Variants in EPHB1 observed in about 807,000 individuals in gnomAD.
The protein encoded by EPHB1 is ephrin type-B receptor 1.
A neutral mutation model predicts 94.4 loss-of-function variants in EPHB1; 30 were observed. That is an observed-to-expected ratio of 0.32 (90% CI 0.24 to 0.43). The LOEUF is 0.43. Among genes scored for constraint, EPHB1 ranks in the 20% least tolerant of loss-of-function variants. The pLI is 1.00. For synonymous variants in EPHB1, 522 were observed against 489.1 expected (o/e 1.07, Z -0.89); for missense variants, 1,055 against 1,308.3 (o/e 0.81, Z 2.99).
At chr3:135,095,376 A>G (rs1353859066) in intron 3 of EPHB1, among the ~76,000 whole-genome samples, 3 of 152,028 alleles carry the variant, frequency 2.0e-5, no homozygotes, top group Non-Finnish European at 4.4e-5. Context: ...ATTGCCAGAC[A>G]CTTCTCTTCT....
chr3:134,804,090 TTTTTTTTTTTTTTTTTG>T, intron 1 of EPHB1, among the ~76,000 whole-genome samples: 6 of 136,564 alleles, frequency 4.4e-5, no homozygotes, highest in Non-Finnish European at 4.7e-5. Context: ...TTTTTTTTTT[TTTTTTTTTTTTTTTTTG>T]CTGCATGTCT....
At chr3:135,065,727 A>G (rs1420046108) in intron 3 of EPHB1, among the ~76,000 whole-genome samples, 7 of 152,152 alleles carry the variant, frequency 4.6e-5, no homozygotes, top group African/African-American at 1.7e-4. Context: ...TCCATTTATC[A>G]TGCTATTTGT....
intron 3 of EPHB1, among the ~76,000 whole-genome samples, chr3:135,078,184 G>A (rs191788457): frequency 6.6e-6 from 1 of 152,320 alleles, no homozygotes; most frequent in Non-Finnish European, 1.5e-5. Flanking sequence ...GGCCCAGTGT[G>A]AGAAGACTTC....
At chr3:134,826,399 A>G (rs182899089) in intron 1 of EPHB1, among the ~76,000 whole-genome samples, 23 of 152,102 alleles carry the variant, frequency 1.5e-4, no homozygotes, top group Non-Finnish European at 3.1e-4. Flanking sequence ...TCTCTTTCCC[A>G]TCATCATATG....
In EPHB1 at chr3:135,004,997, G is replaced by T. The variant is rs549936885; in HGVS notation, c.805+52945G>T. Among the ~76,000 whole-genome samples the T allele has an allele frequency of 7.0e-3, 1,060 of 152,354 alleles. 15 individuals are homozygous for T. The highest frequency in any genetic ancestry group is 0.024 in the African/African-American group (987 of 41,578). On this transcript the variant is annotated intron_variant, in intron 3 of 15. Transcript: ENST00000398015. The stretch of plus-strand genomic sequence containing the variant: ...CTCCGTCCAGCTTTGTTCCGTTGCT[G>T]GTGAGGAGCTGCGTTCCTTTGCAGG...
chr3:135,196,739 C>T (rs1942629475), intron 11 of EPHB1, among the ~76,000 whole-genome samples: 1 of 152,094 alleles, frequency 6.6e-6, no homozygotes, highest in Non-Finnish European at 1.5e-5. Flanking sequence ...TTCTCCTTTC[C>T]CACTGGTCAT....
intron 3 of EPHB1, among the ~76,000 whole-genome samples, chr3:135,021,252 T>G (rs1935978580): frequency 6.6e-6 from 1 of 152,204 alleles, no homozygotes; most frequent in South Asian, 2.1e-4. Context: ...CAGCTGCCAA[T>G]AATTTTATTT....
In EPHB1 at chr3:135,052,909, ATGTGTGTG is replaced by A. The variant is rs745760849; in HGVS notation, c.806-53523_806-53516del. On this transcript the variant is annotated intron_variant, in intron 3 of 15. Transcript: ENST00000398015. The stretch of plus-strand genomic sequence containing the variant: ...AAAAAAAATATATATATATATATAT[ATGTGTGTG>A]TGTGTGTGTGTGTGTATATATGTGT... Among the ~76,000 whole-genome samples, 8 of 68,844 alleles carry A rather than the reference ATGTGTGTG, an allele frequency of 1.2e-4. No homozygotes were observed. The East Asian group carries it at 1.9e-3, about 16-fold the overall frequency. The allele number at this position is 68,844 out of a possible 152,430, so 45.2% of individuals were successfully genotyped here. A position where few individuals can be genotyped will look rare whatever the true frequency, so the allele number is the denominator to read the frequency against.
chr3:135,141,103 T>C (rs1483325037), intron 5 of EPHB1, among the ~76,000 whole-genome samples: 3 of 152,034 alleles, frequency 2.0e-5, no homozygotes, highest in Non-Finnish European at 4.4e-5. Flanking sequence ...TGCTGTAGAA[T>C]TGAGCCTTAG....
At chr3:135,149,180 G>A (rs1258953336) in intron 5 of EPHB1, among the ~76,000 whole-genome samples, 6 of 152,180 alleles carry the variant, frequency 3.9e-5, no homozygotes, top group Admixed American at 2.6e-4. Context: ...TTCTGCTTAC[G>A]TTTTCTGAAG....
chr3:135,035,416 A>T (rs1375358726), intron 3 of EPHB1, among the ~76,000 whole-genome samples: 1 of 152,242 alleles, frequency 6.6e-6, no homozygotes, highest in Non-Finnish European at 1.5e-5. Context: ...GGGAAAAAAG[A>T]ACATTCTCTT....
intron 3 of EPHB1, among the ~76,000 whole-genome samples, chr3:135,054,257 T>C (rs1013553752): frequency 6.6e-6 from 1 of 152,204 alleles, no homozygotes; most frequent in African/African-American, 2.4e-5. Context: ...AGAGGAATTC[T>C]GCCAGCAGAC....
intron 3 of EPHB1, among the ~76,000 whole-genome samples, chr3:135,102,506 C>G (rs1424719746): frequency 6.6e-6 from 1 of 152,154 alleles, no homozygotes; most frequent in African/African-American, 2.4e-5. Context: ...TGATTAATGG[C>G]ACCTGATACA....
At chr3:134,819,333 G>A (rs1184195098) in intron 1 of EPHB1, among the ~76,000 whole-genome samples, 1 of 152,114 alleles carries the variant, frequency 6.6e-6, no homozygotes, top group Non-Finnish European at 1.5e-5. Flanking sequence ...GGGCCAGCAG[G>A]CAGTATGGGT....
chr3:134,807,494 A>AGTGTATGT (rs2036085999), intron 1 of EPHB1, among the ~76,000 whole-genome samples: 1 of 138,724 alleles, frequency 7.2e-6, no homozygotes, highest in African/African-American at 2.7e-5. Context: ...TTGGGGAAGG[A>AGTGTATGT]GTGTGTGTGT....
intron 1 of EPHB1, among the ~76,000 whole-genome samples, chr3:134,902,572 T>C (rs1025826643): frequency 1.3e-5 from 2 of 152,258 alleles, no homozygotes; most frequent in African/African-American, 4.8e-5. Context: ...GATCTTGCTA[T>C]GATTAAAATG....
chr3:135,187,703 A>G (rs940819332), intron 10 of EPHB1, among the ~76,000 whole-genome samples: 4 of 152,098 alleles, frequency 2.6e-5, no homozygotes, highest in Admixed American at 2.6e-4. Flanking sequence ...TTAGCATCCT[A>G]GGCTTACCTG....
intron 5 of EPHB1, among the ~76,000 whole-genome samples, chr3:135,142,813 ACAAAGACTGAAGCTCATG>A (rs1203456902): frequency 6.6e-6 from 1 of 152,178 alleles, no homozygotes; most frequent in African/African-American, 2.4e-5. Context: ...AGAGAGGAAG[ACAAAGACTGAAGCTCATG>A]CCTCCGATGA....
At chr3:135,112,426 G>A (rs891391621) in intron 4 of EPHB1, among the ~76,000 whole-genome samples, 3 of 151,980 alleles carry the variant, frequency 2.0e-5, no homozygotes, top group East Asian at 1.9e-4. Context: ...AAGTTTTAGG[G>A]TACATGTGCA....
Sources: gnomAD v4.1 joint callset for allele counts (sites outside exome capture counted in the v4.1 genomes callset) on GRCh38, gnomAD v4.1.1 for gene constraint, MANE v1.5 for transcripts, NCBI Gene and HGNC (gene_info 2026-07-23, HGNC 2026-07-21) for gene names.